Variants in ADAMTSL1 observed in about 807,000 individuals in gnomAD.
ADAMTSL1 encodes the protein ADAMTS-like protein 1.
A neutral mutation model predicts 201.8 loss-of-function variants in ADAMTSL1; 126 were observed. That is an observed-to-expected ratio of 0.62 (90% CI 0.54 to 0.72). The LOEUF (loss-of-function observed/expected upper bound fraction) is 0.72. ADAMTSL1 is among the 30% of genes least tolerant of loss of function. The pLI is 0.00. For missense variants in ADAMTSL1, 2,679 were observed against 2,277.8 expected (o/e 1.18, Z -3.59); for synonymous variants, 1,121 against 903.4 (o/e 1.24, Z -4.32).
At chr9:18,681,554 A>C in intron 11 of ADAMTSL1, 1 of 235,806 alleles carries the variant, frequency 4.2e-6, no homozygotes, top group Non-Finnish European at 8.3e-6. Flanking sequence ...CACAGTGGGT[A>C]CTTAAAGATT....
At chr9:18,638,762 T>C (rs2132797381) in intron 6 of ADAMTSL1, among the ~76,000 whole-genome samples, 1 of 152,232 alleles carries the variant, frequency 6.6e-6, no homozygotes, top group Admixed American at 6.6e-5. Flanking sequence ...ATAGCATCAG[T>C]GCAGTAAGTA....
chr9:18,137,464 A>G (rs1264088604), intron 1 of ADAMTSL1, among the ~76,000 whole-genome samples: 1 of 152,140 alleles, frequency 6.6e-6, no homozygotes, highest in Non-Finnish European at 1.5e-5. Context: ...ACAGACTAAC[A>G]TTGCAAGTCC....
chr9:18,172,274 A>G (rs1024541996), intron 2 of ADAMTSL1, among the ~76,000 whole-genome samples: 4 of 152,122 alleles, frequency 2.6e-5, no homozygotes, highest in African/African-American at 7.2e-5. Context: ...CTTAAAGTAT[A>G]TATAAAAAAA....
At chr9:18,882,945 T>C (rs1295800679) in intron 23 of ADAMTSL1, among the ~76,000 whole-genome samples, 1 of 149,350 alleles carries the variant, frequency 6.7e-6, no homozygotes, top group African/African-American at 2.5e-5. Context: ...TGAGCTATGA[T>C]TGCACCATTA....
chr9:18,652,084 C>T (rs1283444439), intron 7 of ADAMTSL1, among the ~76,000 whole-genome samples: 3 of 151,912 alleles, frequency 2.0e-5, no homozygotes, highest in East Asian at 1.9e-4. Flanking sequence ...AAGAAAGACA[C>T]ATAGTGAAAG....
intron 2 of ADAMTSL1, among the ~76,000 whole-genome samples, chr9:18,525,123 G>A (rs1349309708): frequency 2.0e-5 from 3 of 152,184 alleles, no homozygotes; most frequent in Middle Eastern, 3.2e-3. Context: ...TTCAGAGCCT[G>A]TTATTGGTCT....
At chr9:18,353,063 C>G (rs916986417) in intron 2 of ADAMTSL1, among the ~76,000 whole-genome samples, 2 of 152,158 alleles carry the variant, frequency 1.3e-5, no homozygotes, top group Non-Finnish European at 2.9e-5. Flanking sequence ...CATTAAGTCC[C>G]CCATTCTGGG....
chr9:17,929,175 G>C (rs758787991), intron 1 of ADAMTSL1, among the ~76,000 whole-genome samples: 1 of 152,140 alleles, frequency 6.6e-6, no homozygotes, highest in Non-Finnish European at 1.5e-5. Context: ...CTCCTCTTCA[G>C]ATTTTTGAGA....
intron 2 of ADAMTSL1, among the ~76,000 whole-genome samples, chr9:18,294,946 C>G (rs1358591055): frequency 2.0e-5 from 3 of 152,052 alleles, no homozygotes; most frequent in Admixed American, 6.6e-5. Context: ...CCTCTTTGCT[C>G]CTTCTTCTGC....
chr9:18,255,258 G>A (rs1017179863), intron 2 of ADAMTSL1, among the ~76,000 whole-genome samples: 3 of 152,132 alleles, frequency 2.0e-5, no homozygotes, highest in Non-Finnish European at 4.4e-5. Context: ...ACCACTAGGG[G>A]GCGCTGCCGC....
At chr9:18,304,840 A>G (rs576563949) in intron 2 of ADAMTSL1, among the ~76,000 whole-genome samples, 112 of 152,326 alleles carry the variant, frequency 7.4e-4, no homozygotes, top group African/African-American at 2.5e-3. Context: ...ACTATAAACT[A>G]TTTTTATAAG....
chr9:18,474,428 G>T, intron 1 of ADAMTSL1, 133 bp downstream of exon 1: 4 of 901,390 alleles, frequency 4.4e-6, no homozygotes, highest in Non-Finnish European at 7.0e-6. Context: ...TAATTTACAC[G>T]ATTACAAAGA....
At chr9:17,931,777 T>C (rs1297389405) in intron 1 of ADAMTSL1, among the ~76,000 whole-genome samples, 2 of 152,108 alleles carry the variant, frequency 1.3e-5, no homozygotes, top group African/African-American at 2.4e-5. Context: ...CTTGGTTCTT[T>C]AATAGGATTA....
intron 1 of ADAMTSL1, among the ~76,000 whole-genome samples, chr9:18,098,372 G>A (rs556339460): frequency 5.9e-5 from 9 of 151,924 alleles, no homozygotes; most frequent in Non-Finnish European, 1.2e-4. Context: ...CTTCTAATTC[G>A]TGGACATGAT....
At chr9:18,418,009 G>C (rs867519923) in intron 2 of ADAMTSL1, among the ~76,000 whole-genome samples, 2 of 152,268 alleles carry the variant, frequency 1.3e-5, no homozygotes, top group Middle Eastern at 6.8e-3. Context: ...ATATGACCAA[G>C]AGCAGCTTAT....
intron 20 of ADAMTSL1, among the ~76,000 whole-genome samples, chr9:18,799,893 A>G (rs1822674784): frequency 6.6e-6 from 1 of 152,218 alleles, no homozygotes; most frequent in South Asian, 2.1e-4. Context: ...TTTAGTAGCT[A>G]CAATAAAAGA....
At chr9:18,786,291 T>C (rs1563800306) in intron 19 of ADAMTSL1, among the ~76,000 whole-genome samples, 1 of 152,144 alleles carries the variant, frequency 6.6e-6, no homozygotes, top group South Asian at 2.1e-4. Context: ...GTTCCCAGCT[T>C]ATCCTCCCCA....
intron 5 of ADAMTSL1, among the ~76,000 whole-genome samples, chr9:18,628,018 T>C (rs987788194): frequency 6.6e-6 from 1 of 152,206 alleles, no homozygotes; most frequent in Non-Finnish European, 1.5e-5. Flanking sequence ...GATATTTGAA[T>C]TGGAAATATT....
At position 18,852,563 on chromosome 9, in the gene ADAMTSL1, C is replaced by A. The variant is rs138101130; in HGVS notation, c.4249+22586C>A. On this transcript the variant is annotated intron_variant, in intron 23 of 28. Coordinates refer to ENST00000380548, the MANE Select transcript of ADAMTSL1 (RefSeq NM_001040272.6). ...TTTATGCAGTTCATATTTCCTTTCT[C>A]TATTTGTTAGTTAATTTAACTTTTT... Among the ~76,000 whole-genome samples, 1,287 of 152,286 alleles carry A rather than the reference C, an allele frequency of 8.5e-3. 18 individuals are homozygous for A. The highest frequency in any genetic ancestry group is 0.014 in the Non-Finnish European group (952 of 68,018).
Sources: gnomAD v4.1 joint callset for allele counts (sites outside exome capture counted in the v4.1 genomes callset) on GRCh38, gnomAD v4.1.1 for gene constraint, MANE v1.5 for transcripts, NCBI Gene and HGNC (gene_info 2026-07-23, HGNC 2026-07-21) for gene names.